The following OPA3 variants were observed in gnomAD, a reference collection of about 807,000 sequenced individuals.
OPA3 encodes the protein optic atrophy 3 protein.
In OPA3, 6 loss-of-function variants were observed where a neutral mutation model predicts 4.0. The ratio of observed to expected loss-of-function variants is 1.51; its 90% CI spans 0.83 to 2.99. OPA3 has a LOEUF of 2.99. Among genes scored for constraint, OPA3 ranks in the 30% most tolerant of loss-of-function variants. OPA3 has a pLI of 0.00. For missense variants in OPA3, 235 were observed against 256.2 expected (o/e 0.92, Z 0.56); for synonymous variants, 105 against 117.1 (o/e 0.90, Z 0.67).
chr19:45,578,099 C>A (rs1315403939), intron 1 of OPA3, among the ~76,000 whole-genome samples: 1 of 152,188 alleles, frequency 6.6e-6, no homozygotes, highest in Non-Finnish European at 1.5e-5. Context: ...TTGTTCATTC[C>A]TGAGTGAAGG....
rs539476253 is a variant in OPA3, at chr19:45,584,613, T to A, written c.142+10A>T. 7.4e-6 allele frequency: 12 copies of A among 1,613,996 alleles called. No homozygotes were observed. The highest frequency in any genetic ancestry group is 9.3e-6 in the Non-Finnish European group (11 of 1,180,018). ...GGAAAAAGGTTGGAGGGAATTCGGG[T>A]CAGACTCACGTTGAGCCGGCGGGAG... On this transcript the variant is annotated intron_variant, in intron 1 of 1. Transcript: ENST00000263275.
At chr19:45,562,071 G>A (rs1969510599) in intron 1 of OPA3, among the ~76,000 whole-genome samples, 2 of 151,910 alleles carry the variant, frequency 1.3e-5, no homozygotes, top group South Asian at 4.1e-4. Context: ...TTAGGGCCAG[G>A]CATTATGGCT....
chr19:45,529,355 C>T (rs1272106161), exon 2 of OPA3: 1 of 1,614,222 alleles, frequency 6.2e-7, no homozygotes. Flanking sequence ...CCCAGCAGCT[C>T]CGCGCCCAGC....
At chr19:45,559,865 G>A (rs931624231) in intron 1 of OPA3, among the ~76,000 whole-genome samples, 1 of 151,982 alleles carries the variant, frequency 6.6e-6, no homozygotes, top group African/African-American at 2.4e-5. Flanking sequence ...CTTAATAAAT[G>A]GCAGCAAGAC....
chr19:45,529,105 AGGCAGAGGTGGGCTC>A (rs1969028215), exon 2 of OPA3: 1 of 1,602,920 alleles, frequency 6.2e-7, no homozygotes, highest in Admixed American at 1.7e-5. Context: ...CGGGTCTCGG[AGGCAGAGGTGGGCTC>A]GCACCTCCTG....
In OPA3 at chr19:45,552,211, T is replaced by G; in HGVS notation, c.*1303A>C. 7.3e-6 allele frequency: 7 copies of G among 964,242 alleles called. No individual in the cohort carries two copies. The highest frequency in any genetic ancestry group is 8.6e-6 in the Non-Finnish European group (7 of 817,456). The allele number at this position is 964,242 out of a possible 1,614,324, so 59.7% of individuals were successfully genotyped here. ...CAGGGATTGACTGCAGGCCAGGACC[T>G]TTTGTGGGTTTTTTTAAGATGGAGT... On this transcript the variant is annotated 3_prime_UTR_variant, in exon 2 of 2. Coordinates refer to ENST00000263275, the MANE Select transcript of OPA3 (RefSeq NM_025136.4).
Position 45,550,843 on chromosome 19 carries a change from A to G in OPA3, c.*2671T>C, listed in dbSNP as rs1599960139. The G allele has an allele frequency of 1.0e-6, 1 of 985,606 alleles. No homozygotes were observed. The highest frequency in any genetic ancestry group is 6.2e-5 in the Admixed American group (1 of 16,220). 61.1% of individuals were successfully genotyped at this position (985,606 alleles called of 1,614,324 possible). Reference sequence around the variant, plus strand: ...GACAGACTGCAGGCTACTGGGACCCACCCCCTCCCGCTTCAGTGGCAGATC... The same window carrying G: ...GACAGACTGCAGGCTACTGGGACCCGCCCCCTCCCGCTTCAGTGGCAGATC... On this transcript the variant is annotated 3_prime_UTR_variant, in exon 2 of 2. Transcript: ENST00000263275.
chr19:45,537,213 G>A (rs949524863), intron 1 of OPA3, among the ~76,000 whole-genome samples: 1 of 151,526 alleles, frequency 6.6e-6, no homozygotes, highest in Non-Finnish European at 1.5e-5. Context: ...TTTTGAAATG[G>A]AGTCTCGCTC....
rs921978282 is a variant in OPA3 at position 45,571,137 on chromosome 19, T to C, written c.142+13486A>G. 5.3e-5 allele frequency among the ~76,000 whole-genome samples: 8 copies of C among 152,036 alleles called. 1 individual carries two copies. Among genetic ancestry groups the C allele is most frequent in the Admixed American group, 4.6e-4 (7 of 15,230 alleles). On this transcript the variant is annotated intron_variant, in intron 1 of 1. Coordinates refer to ENST00000263275, the MANE Select transcript of OPA3 (RefSeq NM_025136.4). ...CTAAATACTTTCATTTATTTATTTA[T>C]TTACTTATTTTATTTTATTTTTTTG... is the stretch of plus-strand genomic sequence containing the variant.
Position 45,549,685 on chromosome 19 carries a change from G to T in OPA3, c.*3829C>A. The T allele has an allele frequency of 1.1e-6, 1 of 919,678 alleles. No homozygotes were observed. Among genetic ancestry groups the T allele is most frequent in the Non-Finnish European group, 1.3e-6 (1 of 770,246 alleles). The allele number at this position is 919,678 out of a possible 1,614,324, so 57.0% of individuals were successfully genotyped here. A position where few individuals can be genotyped will look rare whatever the true frequency, so the allele number is the denominator to read the frequency against. On this transcript the variant is annotated 3_prime_UTR_variant, in exon 2 of 2. Coordinates refer to ENST00000263275, the MANE Select transcript of OPA3 (RefSeq NM_025136.4). ...AGTAGAGACGGGGTTTTGCCATGTTGGCCAGGCTGGTCTCGATCTCCTAAC... is the reference window on the plus strand; with the variant it reads ...AGTAGAGACGGGGTTTTGCCATGTTTGCCAGGCTGGTCTCGATCTCCTAAC...
chr19:45,580,116 C>T (rs531477771), intron 1 of OPA3, among the ~76,000 whole-genome samples: 1 of 151,610 alleles, frequency 6.6e-6, no homozygotes, highest in Non-Finnish European at 1.5e-5. Context: ...TCTGCCTCAG[C>T]CTCCCGAGTA....
intron 1 of OPA3, among the ~76,000 whole-genome samples, chr19:45,556,442 G>T (rs547731038): frequency 6.6e-6 from 1 of 151,784 alleles, no homozygotes; most frequent in Non-Finnish European, 1.5e-5. Flanking sequence ...CTGCAACCTC[G>T]AACACCTAGA....
At chr19:45,545,648 G>A (rs1262256025), downstream of OPA3, among the ~76,000 whole-genome samples, 2 of 151,904 alleles carry the variant, frequency 1.3e-5, no homozygotes, top group Admixed American at 1.3e-4. Context: ...TCTTCATGCT[G>A]GCCCAAGGCA....
rs1600003585 is a variant in OPA3, at chr19:45,580,357, G to C, written c.142+4266C>G. ...TGCCCAGGCTGGAGTGCAATGGCGT[G>C]ATCTCGGCTCACTGCAACCTCCACC... On this transcript the variant is annotated intron_variant, in intron 1 of 1. Coordinates refer to ENST00000263275, the MANE Select transcript of OPA3 (RefSeq NM_025136.4). Among the ~76,000 whole-genome samples the C allele has an allele frequency of 2.8e-5, 4 of 145,184 alleles. No homozygotes were observed. In the South Asian group the frequency reaches 8.7e-4, roughly 32 times the overall value.
chr19:45,530,171 C>T (rs1029670176), intron 1 of OPA3, among the ~76,000 whole-genome samples: 12 of 152,098 alleles, frequency 7.9e-5, no homozygotes, highest in African/African-American at 2.9e-4. Context: ...CTGGCCAAGA[C>T]GGTGAAACCC....
intron 1 of OPA3, among the ~76,000 whole-genome samples, chr19:45,538,100 C>CAAA (rs1178598021): frequency 3.9e-4 from 15 of 38,152 alleles, no homozygotes; most frequent in African/African-American, 1.1e-3. Flanking sequence ...GGCTCCATAT[C>CAAA]AAAAAAAAAA....
intron 1 of OPA3, among the ~76,000 whole-genome samples, chr19:45,558,977 G>A (rs1599971472): frequency 6.6e-6 from 1 of 151,992 alleles, no homozygotes; most frequent in Admixed American, 6.6e-5. Flanking sequence ...TCTGCCTCCC[G>A]GGTTCGAGTG....
intron 1 of OPA3, among the ~76,000 whole-genome samples, chr19:45,540,486 G>C (rs1969172423): frequency 6.6e-6 from 1 of 150,582 alleles, no homozygotes; most frequent in African/African-American, 2.4e-5. Context: ...GCTTGAGCCT[G>C]GGAGGTTGAG....
At chr19:45,556,482 G>A (rs982173870) in intron 1 of OPA3, among the ~76,000 whole-genome samples, 7 of 151,970 alleles carry the variant, frequency 4.6e-5, no homozygotes, top group African/African-American at 1.7e-4. Context: ...TCAGCCTCTG[G>A]AGCCGCTAGA....
Sources: gnomAD v4.1 joint callset for allele counts (sites outside exome capture counted in the v4.1 genomes callset) on GRCh38, gnomAD v4.1.1 for gene constraint, MANE v1.5 for transcripts, NCBI Gene and HGNC (gene_info 2026-07-23, HGNC 2026-07-21) for gene names.